KRABD3: variants seen among roughly 807,000 people sequenced by gnomAD.
KRABD3 encodes the protein KRAB domain containing 3.
chr7:149,721,557 C>T, the KRABD3 span: 9 of 1,607,250 alleles, frequency 5.6e-6, no homozygotes, highest in South Asian at 8.9e-5. Context: ...ACAGCAGGGA[C>T]AGGGAGAACC....
the KRABD3 span, among the ~76,000 whole-genome samples, chr7:149,727,384 A>G: frequency 1.3e-5 from 2 of 152,212 alleles, no homozygotes; most frequent in Admixed American, 6.5e-5. Context: ...CTTTTCCCCT[A>G]TAGTGCAACT....
the KRABD3 span, among the ~76,000 whole-genome samples, chr7:149,728,289 C>T: frequency 6.6e-5 from 10 of 152,330 alleles, no homozygotes; most frequent in African/African-American, 1.9e-4. Flanking sequence ...CTGTGGCCAA[C>T]GCCCTCATGA....
chr7:149,729,858 T>C, the KRABD3 span: 1 of 985,284 alleles, frequency 1.0e-6, no homozygotes, highest in African/African-American at 1.7e-5. Context: ...CCGCCTGGCC[T>C]GTGAGACCTA....
At chr7:149,720,687 C>T in the KRABD3 span, 1 of 871,432 alleles carries the variant, frequency 1.1e-6, no homozygotes, top group Non-Finnish European at 1.7e-6. Context: ...CCCAGGTCCT[C>T]TATATCTCAT....
the KRABD3 span, chr7:149,730,833 T>G: frequency 5.8e-6 from 3 of 520,532 alleles, no homozygotes; most frequent in Admixed American, 6.4e-5. Context: ...AATATACACG[T>G]GTGCATGTAG....
chr7:149,722,636 T>C, the KRABD3 span: 3 of 1,492,568 alleles, frequency 2.0e-6, no homozygotes, highest in Non-Finnish European at 2.7e-6. Context: ...CTCCGCCGCC[T>C]GGGCCTGGTG....
the KRABD3 span, chr7:149,733,704 A>C: frequency 6.3e-7 from 1 of 1,581,666 alleles, no homozygotes; most frequent in Non-Finnish European, 8.6e-7. Context: ...CTGCCTCCAG[A>C]CGCTCCCCCG....
At chr7:149,724,867 C>G in the KRABD3 span, 2 of 1,539,466 alleles carry the variant, frequency 1.3e-6, no homozygotes, top group Non-Finnish European at 1.7e-6. Flanking sequence ...CTGAGATTGG[C>G]TGCTCTGGTG....
chr7:149,721,414 C>T, the KRABD3 span: 3 of 1,610,736 alleles, frequency 1.9e-6, no homozygotes, highest in Admixed American at 3.3e-5. Context: ...CTCTCCGAGG[C>T]CTGCTCAGCT....
At chr7:149,722,764 CA>C in the KRABD3 span, 1 of 1,587,266 alleles carries the variant, frequency 6.3e-7, no homozygotes, top group South Asian at 1.2e-5. Context: ...GACCCAGGCC[CA>C]CCTTGCATGT....
At chr7:149,721,132 G>A in the KRABD3 span, 46 of 1,223,604 alleles carry the variant, frequency 3.8e-5, no homozygotes, top group Non-Finnish European at 4.6e-5. Flanking sequence ...TGGCTAGGCC[G>A]TGTGCCGCCC....
the KRABD3 span, chr7:149,721,849 C>G: frequency 1.8e-6 from 1 of 543,974 alleles, no homozygotes; most frequent in South Asian, 1.6e-5. Flanking sequence ...ATTGACCTAC[C>G]TGTGTGCACT....
chr7:149,723,291 T>TG, the KRABD3 span, among the ~76,000 whole-genome samples: 1 of 152,166 alleles, frequency 6.6e-6, no homozygotes, highest in Admixed American at 6.5e-5. Context: ...GACAGCATGG[T>TG]GGAGGGGCCG....
chr7:149,732,594 C>T, the KRABD3 span, among the ~76,000 whole-genome samples: 1 of 150,918 alleles, frequency 6.6e-6, no homozygotes, highest in African/African-American at 2.5e-5. This position sits in a 1 kb window ranked among gnomAD's most constrained non-coding sequence, Gnocchi z 4.0. Flanking sequence ...GAATTTAGGG[C>T]GAAGGATTAG....
chr7:149,733,772 AGCTGCCATGCT>A, the KRABD3 span: 2 of 1,596,610 alleles, frequency 1.3e-6, no homozygotes, highest in East Asian at 4.6e-5. Flanking sequence ...CTCTACACCC[AGCTGCCATGCT>A]GCGCCGCCTG....
the KRABD3 span, chr7:149,720,857 G>A: frequency 1.3e-6 from 2 of 1,599,284 alleles, no homozygotes; most frequent in Non-Finnish European, 8.5e-7. Context: ...GGCACAGCCT[G>A]CACCTCACAG....
the KRABD3 span, chr7:149,730,609 C>T: frequency 6.3e-7 from 1 of 1,596,736 alleles, no homozygotes; most frequent in South Asian, 1.1e-5. Flanking sequence ...ATGCGTTCCC[C>T]AGAGGACCAG....
the KRABD3 span, among the ~76,000 whole-genome samples, chr7:149,726,928 TTTCCTTTTTGCATTGAA>T: frequency 6.6e-6 from 1 of 152,046 alleles, no homozygotes; most frequent in African/African-American, 2.4e-5. Context: ...TACATAAAAA[TTTCCTTTTTGCATTGAA>T]TTCCTTACCC....
the KRABD3 span, among the ~76,000 whole-genome samples, chr7:149,720,292 T>C: frequency 1.3e-5 from 2 of 152,310 alleles, no homozygotes; most frequent in East Asian, 3.9e-4. Flanking sequence ...AAGCCTGTTA[T>C]GCAGAGAAGC....
Sources: gnomAD v4.1 joint callset for allele counts (sites outside exome capture counted in the v4.1 genomes callset) on GRCh38, gnomAD v4.1.1 for gene constraint, Gnocchi (gnomAD v3.1) non-coding constraint, MANE v1.5 for transcripts, NCBI Gene and HGNC (gene_info 2026-07-23, HGNC 2026-07-21) for gene names.